Variants in SGCZ observed in about 807,000 individuals in gnomAD.
SGCZ encodes sarcoglycan zeta, also known as zeta-sarcoglycan.
A neutral mutation model predicts 41.3 loss-of-function variants in SGCZ; 40 were observed. That is an observed-to-expected ratio of 0.97 (90% CI 0.75 to 1.26). SGCZ has a LOEUF of 1.26. SGCZ is among the 50% of genes most tolerant of loss of function. SGCZ has a pLI of 0.00. For synonymous variants in SGCZ, 206 were observed against 137.5 expected (o/e 1.50, Z -3.49); for missense variants, 552 against 369.8 (o/e 1.49, Z -4.04).
chr8:14,540,969 G>A (rs1803447853), intron 2 of SGCZ, among the ~76,000 whole-genome samples: 1 of 151,032 alleles, frequency 6.6e-6, no homozygotes, highest in Non-Finnish European at 1.5e-5. Context: ...ATCAAAACAA[G>A]TAATGTTAAT....
chr8:14,606,952 G>C (rs999449805), intron 1 of SGCZ, among the ~76,000 whole-genome samples: 1 of 152,142 alleles, frequency 6.6e-6, no homozygotes, highest in African/African-American at 2.4e-5. Flanking sequence ...TTCACTGTGT[G>C]AGGCTAATGT....
At chr8:14,719,953 G>T (rs141412295) in intron 1 of SGCZ, among the ~76,000 whole-genome samples, 3,602 of 152,056 alleles carry the variant, frequency 0.024, 82 homozygotes, top group Non-Finnish European at 0.033. Flanking sequence ...GAATGGTAAC[G>T]CCTAGGTTTT....
chr8:14,551,032 G>T (rs532858389), intron 2 of SGCZ, among the ~76,000 whole-genome samples: 2 of 151,208 alleles, frequency 1.3e-5, no homozygotes, highest in African/African-American at 4.9e-5. Context: ...CCCAGGTCTG[G>T]GTATTCTTGA....
chr8:14,867,028 A>C (rs1400934539), intron 1 of SGCZ, among the ~76,000 whole-genome samples: 1 of 151,978 alleles, frequency 6.6e-6, no homozygotes, highest in East Asian at 1.9e-4. Context: ...TAGGAGCTAA[A>C]ATTTCACCAA....
intron 1 of SGCZ, among the ~76,000 whole-genome samples, chr8:14,693,853 A>C (rs62493150): frequency 6.6e-6 from 1 of 151,774 alleles, no homozygotes; most frequent in Non-Finnish European, 1.5e-5. Context: ...CAGCCTCCCA[A>C]AGTGCTGGGA....
At chr8:15,138,961 C>T (rs1387185409) in intron 1 of SGCZ, among the ~76,000 whole-genome samples, 1 of 152,070 alleles carries the variant, frequency 6.6e-6, no homozygotes, top group East Asian at 1.9e-4. Context: ...AATTTTGTAT[C>T]AGCTCTACAG....
chr8:15,078,773 C>G (rs1304657968), intron 1 of SGCZ, among the ~76,000 whole-genome samples: 1 of 151,938 alleles, frequency 6.6e-6, no homozygotes, highest in Non-Finnish European at 1.5e-5. Context: ...ACTATATGGT[C>G]TTTGACTTAT....
At chr8:14,987,593 C>T (rs1801866248) in intron 1 of SGCZ, among the ~76,000 whole-genome samples, 1 of 151,952 alleles carries the variant, frequency 6.6e-6, no homozygotes, top group African/African-American at 2.4e-5. Context: ...TCATCTTCCA[C>T]TTACATACCC....
At chr8:14,190,223 A>G (rs1380231594) in intron 4 of SGCZ, among the ~76,000 whole-genome samples, 2 of 151,880 alleles carry the variant, frequency 1.3e-5, no homozygotes, top group East Asian at 3.9e-4. Flanking sequence ...CGTGTTAGCC[A>G]GGATGGTCTC....
At chr8:15,215,792 T>C (rs1013781355) in intron 1 of SGCZ, among the ~76,000 whole-genome samples, 1 of 152,220 alleles carries the variant, frequency 6.6e-6, no homozygotes, top group Non-Finnish European at 1.5e-5. Context: ...TATATGTTCT[T>C]TCATTGATAA....
At chr8:14,305,230 C>T (rs919795949) in intron 3 of SGCZ, among the ~76,000 whole-genome samples, 1 of 152,148 alleles carries the variant, frequency 6.6e-6, no homozygotes, top group African/African-American at 2.4e-5. Context: ...ATATGAACAA[C>T]AAAACATGAA....
At chr8:14,955,995 G>A (rs568417937) in intron 1 of SGCZ, among the ~76,000 whole-genome samples, 3 of 149,290 alleles carry the variant, frequency 2.0e-5, no homozygotes, top group Admixed American at 6.7e-5. Context: ...TAATGCAATC[G>A]AAATTTATTT....
chr8:15,066,489 T>C (rs1296165978), intron 1 of SGCZ, among the ~76,000 whole-genome samples: 3 of 152,186 alleles, frequency 2.0e-5, no homozygotes, highest in African/African-American at 7.2e-5. Context: ...AAAAGCTTTA[T>C]ATTTAAATTT....
At chr8:15,154,342 C>A (rs1335963852) in intron 1 of SGCZ, among the ~76,000 whole-genome samples, 1 of 152,190 alleles carries the variant, frequency 6.6e-6, no homozygotes, top group Non-Finnish European at 1.5e-5. Flanking sequence ...ATAAGCTGAT[C>A]TCTGGAAAGG....
rs116843885 is a variant in SGCZ at position 14,536,605 on chromosome 8, A to T, written c.234+18127T>A. ...TTAAGCCAACTGAAAATCTCCAAAA[A>T]GGTTTTGACTGGTGATTTTTTTTCC... On this transcript the variant is annotated intron_variant, in intron 2 of 7. Coordinates refer to ENST00000382080, the MANE Select transcript of SGCZ (RefSeq NM_139167.4). Among the ~76,000 whole-genome samples the T allele has an allele frequency of 7.8e-3, 1,189 of 152,008 alleles. 6 individuals carry two copies. Among genetic ancestry groups the T allele is most frequent in the Middle Eastern group, 0.017 (5 of 292 alleles).
chr8:14,313,867 T>A (rs1801625510), intron 3 of SGCZ, among the ~76,000 whole-genome samples: 1 of 151,900 alleles, frequency 6.6e-6, no homozygotes, highest in Non-Finnish European at 1.5e-5. Context: ...TCAGCTCTCA[T>A]CTTTCTTGGG....
chr8:14,672,669 A>G (rs1049911763), intron 1 of SGCZ, among the ~76,000 whole-genome samples: 6 of 152,140 alleles, frequency 3.9e-5, no homozygotes, highest in Non-Finnish European at 8.8e-5. Context: ...TTGAATGAAG[A>G]CACTGGTTGT....
chr8:14,994,018 T>A (rs115890079), intron 1 of SGCZ, among the ~76,000 whole-genome samples: 1 of 152,206 alleles, frequency 6.6e-6, no homozygotes, highest in African/African-American at 2.4e-5. Flanking sequence ...TGAGAATACA[T>A]TGGGGGCTGG....
At chr8:14,748,057 C>T (rs780399622) in intron 1 of SGCZ, among the ~76,000 whole-genome samples, 1 of 151,974 alleles carries the variant, frequency 6.6e-6, no homozygotes, top group Non-Finnish European at 1.5e-5. Context: ...CTTCCCATGA[C>T]TCTTATCTCC....
Sources: gnomAD v4.1 joint callset for allele counts (sites outside exome capture counted in the v4.1 genomes callset) on GRCh38, gnomAD v4.1.1 for gene constraint, MANE v1.5 for transcripts, NCBI Gene and HGNC (gene_info 2026-07-23, HGNC 2026-07-21) for gene names.